FAM107B: variants seen among roughly 807,000 people sequenced by gnomAD.
FAM107B encodes the protein protein FAM107B.
FAM107B carries 21 observed loss-of-function variants against 31.5 expected under a neutral mutation model. The ratio of observed to expected loss-of-function variants is 0.67; its 90% CI spans 0.47 to 0.96. The LOEUF is 0.96. Ranked by LOEUF, FAM107B falls within the 40% of genes least tolerant of loss-of-function variation. FAM107B has a pLI of 0.00. For missense variants in FAM107B, 452 were observed against 377.1 expected (o/e 1.20, Z -1.64); for synonymous variants, 157 against 141.5 (o/e 1.11, Z -0.78).
chr10:14,648,644 C>T (rs1211957022), intron 2 of FAM107B, among the ~76,000 whole-genome samples: 3 of 152,226 alleles, frequency 2.0e-5, no homozygotes, highest in African/African-American at 7.2e-5. Flanking sequence ...GCACCTTCTG[C>T]CTGACCCCAC....
intron 2 of FAM107B, among the ~76,000 whole-genome samples, chr10:14,562,299 A>C (rs1297113241): frequency 6.6e-6 from 1 of 152,236 alleles, no homozygotes; most frequent in African/African-American, 2.4e-5. Flanking sequence ...TCTACACTTC[A>C]AAGGGTGATG....
intron 1 of FAM107B, among the ~76,000 whole-genome samples, chr10:14,732,207 C>T (rs1408153616): frequency 6.6e-6 from 1 of 152,220 alleles, no homozygotes. Flanking sequence ...CAACGGCTAT[C>T]TCTCTGCACA....
intron 2 of FAM107B, among the ~76,000 whole-genome samples, chr10:14,667,182 T>C (rs77274142): frequency 0.077 from 11,761 of 152,268 alleles, 509 homozygotes; most frequent in South Asian, 0.13. Context: ...CATTAACTCA[T>C]AGGGCGTCCT....
intron 1 of FAM107B, among the ~76,000 whole-genome samples, chr10:14,761,009 T>C (rs9988686): frequency 0.039 from 4,473 of 114,428 alleles, 246 homozygotes; most frequent in African/African-American, 0.15. Context: ...AAGACTCCGT[T>C]TCAAAAAAAA....
rs555834041 is a variant in FAM107B at position 14,601,527 on chromosome 10, G to A, written c.469+66107C>T. ...ATGAGGTCATCCCAAGGCCACACTCGACCCCATGATGCACACAGAGGACAT... is the reference window on the plus strand; with the variant it reads ...ATGAGGTCATCCCAAGGCCACACTCAACCCCATGATGCACACAGAGGACAT... On this transcript the variant is annotated intron_variant, in intron 2 of 4. Coordinates refer to ENST00000181796, the MANE Select transcript of FAM107B (RefSeq NM_031453.4). Among the ~76,000 whole-genome samples the A allele has an allele frequency of 8.5e-5, 13 of 152,224 alleles. No homozygotes were observed. In the South Asian group the frequency reaches 2.5e-3, roughly 29 times the overall value.
In FAM107B at chr10:14,519,968, G is replaced by C. The variant is rs1269991521; in HGVS notation, c.*1222C>G. 6.6e-6 allele frequency: 1 copy of C among 152,624 alleles called. No individual in the cohort carries two copies. The highest frequency in any genetic ancestry group is 1.5e-5 in the Non-Finnish European group (1 of 68,038). 9.5% of individuals were successfully genotyped at this position (152,624 alleles called of 1,614,324 possible). On this transcript the variant is annotated 3_prime_UTR_variant, in exon 5 of 5. Transcript: ENST00000181796. The stretch of plus-strand genomic sequence containing the variant: ...TCTCTGAGGAGCGTGCTGCTAGCTA[G>C]AACAAGGGAACTCAGCAGCCCCTCC...
intron 2 of FAM107B, among the ~76,000 whole-genome samples, chr10:14,546,393 AC>A (rs1222999883): frequency 6.6e-6 from 1 of 152,164 alleles, no homozygotes; most frequent in Admixed American, 6.6e-5. Flanking sequence ...CGTGAGTAAC[AC>A]CACCATTAAC....
chr10:14,687,194 G>T (rs893991675), intron 1 of FAM107B, among the ~76,000 whole-genome samples: 4 of 152,158 alleles, frequency 2.6e-5, no homozygotes, highest in African/African-American at 9.7e-5. Context: ...GAAAACGAGG[G>T]TCAGGAGACA....
intron 1 of FAM107B, among the ~76,000 whole-genome samples, chr10:14,768,990 C>T (rs1833241685): frequency 6.6e-6 from 1 of 152,226 alleles, no homozygotes; most frequent in Non-Finnish European, 1.5e-5. Context: ...GACTTTGCCC[C>T]TGCTAAGTGG....
intron 2 of FAM107B, among the ~76,000 whole-genome samples, chr10:14,644,968 A>G (rs983298677): frequency 2.6e-5 from 4 of 152,222 alleles, no homozygotes; most frequent in Admixed American, 6.5e-5. Flanking sequence ...CTTACTTTGC[A>G]TGAATGGGCA....
At chr10:14,710,204 T>A (rs1174065864) in intron 1 of FAM107B, among the ~76,000 whole-genome samples, 1 of 152,070 alleles carries the variant, frequency 6.6e-6, no homozygotes, top group Non-Finnish European at 1.5e-5. Flanking sequence ...TCTGCTAGAT[T>A]TTCTTGTAAA....
chr10:14,728,377 G>C (rs1015174643), intron 1 of FAM107B, among the ~76,000 whole-genome samples: 3 of 151,324 alleles, frequency 2.0e-5, no homozygotes, highest in Non-Finnish European at 2.9e-5. Context: ...TCCAGCGGTA[G>C]AAATTACTAT....
At position 14,606,484 on chromosome 10, in the gene FAM107B, G is replaced by A. The variant is rs182675327; in HGVS notation, c.469+61150C>T. Reference sequence around the variant, plus strand: ...TGCCTAATGTAATATCTGGCATATGGGAAGTGTTATGGACTAAACTGTGTA... The same window carrying A: ...TGCCTAATGTAATATCTGGCATATGAGAAGTGTTATGGACTAAACTGTGTA... On this transcript the variant is annotated intron_variant, in intron 2 of 4. Transcript: ENST00000181796. 2.3e-4 allele frequency among the ~76,000 whole-genome samples: 35 copies of A among 152,254 alleles called. No homozygotes were observed. The East Asian group carries it at 6.4e-3, about 28-fold the overall frequency.
chr10:14,547,509 G>T (rs1848810980), intron 2 of FAM107B, among the ~76,000 whole-genome samples: 1 of 152,180 alleles, frequency 6.6e-6, no homozygotes, highest in South Asian at 2.1e-4. Context: ...CGAAACACCA[G>T]AAGTGTTTCA....
At chr10:14,728,672 T>A (rs1856093431) in intron 1 of FAM107B, among the ~76,000 whole-genome samples, 1 of 152,206 alleles carries the variant, frequency 6.6e-6, no homozygotes, top group Non-Finnish European at 1.5e-5. Context: ...AGCAGTCAGC[T>A]GTGGGGGGAC....
chr10:14,662,078 T>C (rs1854256427), intron 2 of FAM107B, among the ~76,000 whole-genome samples: 1 of 152,238 alleles, frequency 6.6e-6, no homozygotes. Flanking sequence ...TTCTTCCTTC[T>C]CCCTATGTGG....
At chr10:14,563,230 C>A (rs1018364612) in intron 2 of FAM107B, among the ~76,000 whole-genome samples, 1 of 152,104 alleles carries the variant, frequency 6.6e-6, no homozygotes, top group African/African-American at 2.4e-5. Context: ...ACATTTCTCT[C>A]GTAACAAAAA....
At chr10:14,634,379 C>G (rs959029547) in intron 2 of FAM107B, among the ~76,000 whole-genome samples, 3 of 146,482 alleles carry the variant, frequency 2.0e-5, no homozygotes, top group Non-Finnish European at 4.5e-5. Context: ...CAGCCTGGAC[C>G]ACAGAGCGAG....
chr10:14,660,363 T>TA (rs200909624), intron 2 of FAM107B, among the ~76,000 whole-genome samples: 2,004 of 151,240 alleles, frequency 0.013, 60 homozygotes, highest in African/African-American at 0.043. Context: ...ACATTTCACT[T>TA]AAAAAAAAAT....
Sources: allele counts gnomAD v4.1 joint callset (sites outside exome capture counted in the v4.1 genomes callset), GRCh38; gene constraint gnomAD v4.1.1; transcripts MANE v1.5; gene names NCBI Gene and HGNC (gene_info 2026-07-23, HGNC 2026-07-21).